The following HMGCLL1 variants were observed in gnomAD, a reference collection of about 807,000 sequenced individuals.
The protein encoded by HMGCLL1 is 3-hydroxy-3-methylglutaryl-CoA lyase like 1.
In HMGCLL1, 36 loss-of-function variants were observed where a neutral mutation model predicts 39.1. That is an observed-to-expected ratio of 0.92 (90% CI 0.71 to 1.22). The LOEUF (loss-of-function observed/expected upper bound fraction) is 1.22, where lower values mean the gene tolerates loss of function less well. HMGCLL1 is among the 50% of genes most tolerant of loss of function. The pLI is 0.00. For missense variants in HMGCLL1, 451 were observed against 416.5 expected (o/e 1.08, Z -0.72); for synonymous variants, 149 against 144.0 (o/e 1.03, Z -0.25).
chr6:55,586,226 G>T, the HMGCLL1 span, among the ~76,000 whole-genome samples: 1 of 151,962 alleles, frequency 6.6e-6, no homozygotes, highest in African/African-American at 2.4e-5. Flanking sequence ...AAGGCAGTAG[G>T]TTTCTCGTTT....
chr6:55,652,236 T>C, the HMGCLL1 span, among the ~76,000 whole-genome samples: 755 of 152,172 alleles, frequency 5.0e-3, 8 homozygotes, highest in African/African-American at 0.017. Context: ...AACAAGATAT[T>C]CATTTTTGTG....
At chr6:55,451,504 C>T (rs1313501849) in intron 7 of HMGCLL1, among the ~76,000 whole-genome samples, 4 of 151,886 alleles carry the variant, frequency 2.6e-5, no homozygotes, top group African/African-American at 4.8e-5. Flanking sequence ...ATGCTGAGAT[C>T]GCGCCATTGC....
chr6:55,541,597 C>A, intron 3 of HMGCLL1, 132 bp downstream of exon 3: 1 of 562,194 alleles, frequency 1.8e-6, no homozygotes, highest in South Asian at 2.6e-5. Context: ...AATCATATCA[C>A]AGTCCACAGG....
intron 3 of HMGCLL1, among the ~76,000 whole-genome samples, chr6:55,536,842 G>A (rs1455152874): frequency 6.6e-6 from 1 of 151,984 alleles, no homozygotes; most frequent in African/African-American, 2.4e-5. Flanking sequence ...GAGGGAAACT[G>A]TAAAAAAGCT....
At chr6:55,531,975 G>A (rs1003906121) in intron 3 of HMGCLL1, among the ~76,000 whole-genome samples, 2 of 151,970 alleles carry the variant, frequency 1.3e-5, no homozygotes, top group Non-Finnish European at 2.9e-5. Context: ...ATAGGAAAAA[G>A]ACATAGTAAA....
chr6:55,617,956 C>T, the HMGCLL1 span, among the ~76,000 whole-genome samples: 1 of 151,934 alleles, frequency 6.6e-6, no homozygotes, highest in African/African-American at 2.4e-5. Context: ...AATAAAAAAA[C>T]ATAGTTATAA....
At chr6:55,678,567 C>A in the HMGCLL1 span, among the ~76,000 whole-genome samples, 2 of 151,988 alleles carry the variant, frequency 1.3e-5, no homozygotes, top group African/African-American at 2.4e-5. Flanking sequence ...AAAAGAGGAA[C>A]CATCGAGAGA....
chr6:55,651,787 T>A, the HMGCLL1 span, among the ~76,000 whole-genome samples: 1 of 152,100 alleles, frequency 6.6e-6, no homozygotes, highest in African/African-American at 2.4e-5. Flanking sequence ...GGTGATGCCC[T>A]TCTGACTAGG....
the HMGCLL1 span, among the ~76,000 whole-genome samples, chr6:55,589,885 G>T: frequency 6.6e-6 from 1 of 152,066 alleles, no homozygotes. Flanking sequence ...ATAAACCACT[G>T]CTCAACGAAA....
At chr6:55,589,781 A>G in the HMGCLL1 span, among the ~76,000 whole-genome samples, 2 of 152,188 alleles carry the variant, frequency 1.3e-5, no homozygotes, top group Non-Finnish European at 2.9e-5. Flanking sequence ...GAGCCAAATC[A>G]TGAGTGAACT....
intron 5 of HMGCLL1, among the ~76,000 whole-genome samples, chr6:55,500,669 C>T (rs1316911478): frequency 1.3e-5 from 2 of 151,948 alleles, no homozygotes; most frequent in Admixed American, 1.3e-4. Context: ...ACAGGAAGCT[C>T]ATCCCTCCGT....
chr6:55,571,609 T>C (rs1374525383), intron 1 of HMGCLL1, among the ~76,000 whole-genome samples: 10 of 151,508 alleles, frequency 6.6e-5, no homozygotes, highest in Non-Finnish European at 1.0e-4. Context: ...ATCGAGACCA[T>C]CCTGGCTAAT....
At chr6:55,647,227 T>G in the HMGCLL1 span, among the ~76,000 whole-genome samples, 2 of 151,984 alleles carry the variant, frequency 1.3e-5, no homozygotes, top group Admixed American at 6.6e-5. Context: ...AATCCTGCCC[T>G]TTTTGGTTTC....
At position 55,542,088 on chromosome 6, in the gene HMGCLL1, C is replaced by A; in HGVS notation, c.161G>T (p.Gly54Val). ...TTCATTCTGCAATCCATCCCTAGGC[C>A]CAACTTCTACTATTTTAACAAACTC... is the stretch of plus-strand genomic sequence containing the variant. ...LPEFVKIVEV[G>V]PRDGLQNEKV... The change falls in exon 2 of 9, where the codon GGG becomes GTG. Residue 54 changes from glycine to valine, a missense_variant. By Grantham distance (109) the Gly-to-Val change is moderately radical (BLOSUM62 -3). Coordinates refer to ENST00000274901, the MANE Select transcript of HMGCLL1 (RefSeq NM_001042406.2). 1 of 1,609,950 alleles carries A rather than the reference C, an allele frequency of 6.2e-7. No individual in the cohort carries two copies. Among genetic ancestry groups the A allele is most frequent in the East Asian group, 2.2e-5 (1 of 44,672 alleles).
At chr6:55,493,740 T>G (rs1156788243) in intron 7 of HMGCLL1, among the ~76,000 whole-genome samples, 1 of 24,924 alleles carries the variant, frequency 4.0e-5, no homozygotes, top group Non-Finnish European at 8.0e-5. Context: ...TTTGTTTTTG[T>G]TTTTTTTTTT....
the HMGCLL1 span, among the ~76,000 whole-genome samples, chr6:55,664,801 A>G: frequency 4.0e-4 from 60 of 151,778 alleles, 2 homozygotes; most frequent in East Asian, 0.01. Flanking sequence ...TCTCACTCAC[A>G]CAATTGTTGG....
chr6:55,518,172 G>A (rs193046047), intron 3 of HMGCLL1, among the ~76,000 whole-genome samples: 3 of 152,234 alleles, frequency 2.0e-5, no homozygotes, highest in Non-Finnish European at 4.4e-5. Flanking sequence ...CTTTCCTGGG[G>A]GAAAATGAGG....
At chr6:55,447,355 T>A (rs1285536090) in intron 7 of HMGCLL1, among the ~76,000 whole-genome samples, 1 of 151,984 alleles carries the variant, frequency 6.6e-6, no homozygotes, top group African/African-American at 2.4e-5. Context: ...TATATAAAAA[T>A]TGGTAAGTAA....
intron 1 of HMGCLL1, among the ~76,000 whole-genome samples, chr6:55,543,532 GTA>G (rs564224348): frequency 0.017 from 1,723 of 101,304 alleles, 57 homozygotes; most frequent in African/African-American, 0.06. Context: ...ATTTTTATGT[GTA>G]TATATATATT....
Sources: gnomAD v4.1 joint callset for allele counts (sites outside exome capture counted in the v4.1 genomes callset) on GRCh38, gnomAD v4.1.1 for gene constraint, MANE v1.5 for transcripts, NCBI Gene and HGNC (gene_info 2026-07-23, HGNC 2026-07-21) for gene names.